Variants in ABLIM2 observed in about 807,000 individuals in gnomAD.
The protein encoded by ABLIM2 is actin binding LIM protein family member 2.
Under a neutral mutation model 97.7 loss-of-function variants are expected in ABLIM2, and 53 were observed. The ratio of observed to expected loss-of-function variants is 0.54; its 90% CI spans 0.44 to 0.68. The LOEUF is 0.68. Among genes scored for constraint, ABLIM2 ranks in the 30% least tolerant of loss-of-function variants. The probability of loss-of-function intolerance (pLI) is 0.00; values close to 1 mark genes in which losing one functional copy is unlikely to be tolerated. For synonymous variants in ABLIM2, 361 were observed against 345.8 expected, an observed-to-expected ratio of 1.04 and a Z score of -0.49; for missense variants, 835 against 867.2, an observed-to-expected ratio of 0.96 and a Z score of 0.47.
In ABLIM2 at chr4:8,001,672, T is replaced by C. The variant is rs919897389; in HGVS notation, c.1618+6387A>G. Reference sequence around the variant, plus strand: ...CTGGCCACTCCTCCCTAACAGCCTCTGTATAGAGGGACCCTCCAGCCACTA... The same window carrying C: ...CTGGCCACTCCTCCCTAACAGCCTCCGTATAGAGGGACCCTCCAGCCACTA... On this transcript the variant is annotated intron_variant, in intron 16 of 20. Transcript: ENST00000447017. The surrounding 1 kb of genome is among the most constrained non-coding windows in gnomAD (Gnocchi z 4.2). 6.6e-6 allele frequency among the ~76,000 whole-genome samples: 1 copy of C among 152,104 alleles called. No individual in the cohort carries two copies. Among genetic ancestry groups the C allele is most frequent in the African/African-American group, 2.4e-5 (1 of 41,424 alleles).
At chr4:8,028,357 T>C (rs1375233163) in intron 11 of ABLIM2, among the ~76,000 whole-genome samples, 2 of 152,204 alleles carry the variant, frequency 1.3e-5, no homozygotes, top group Non-Finnish European at 2.9e-5. Context: ...TAAAGTTGAC[T>C]GCCCTTAGCT....
chr4:8,006,223 G>A (rs182313390), intron 16 of ABLIM2, among the ~76,000 whole-genome samples: 173 of 152,348 alleles, frequency 1.1e-3, no homozygotes, highest in Admixed American at 1.5e-3. Context: ...AGTATCAGGG[G>A]CACGGGGGTC....
rs1433327242 is a variant in ABLIM2, at chr4:8,032,537, G to A, written c.1048-2761C>T. 7.1e-6 allele frequency: 10 copies of A among 1,410,160 alleles called. No individual in the cohort carries two copies. In the East Asian group the frequency reaches 1.4e-4, roughly 20 times the overall value. The allele number at this position is 1,410,160 out of a possible 1,614,324, so 87.4% of individuals were successfully genotyped here. On this transcript the variant is annotated intron_variant, in intron 10 of 20. Transcript: ENST00000447017. The surrounding 1 kb of genome is among the most constrained non-coding windows in gnomAD (Gnocchi z 4.3). ...CAAGGGCCGTGGCCCCGGGCCCCATGGTGAAGAGCCACCGAGGAGGCCCTT... is the reference window on the plus strand; with the variant it reads ...CAAGGGCCGTGGCCCCGGGCCCCATAGTGAAGAGCCACCGAGGAGGCCCTT...
At chr4:8,114,406 C>T (rs747618981) in intron 1 of ABLIM2, among the ~76,000 whole-genome samples, 4 of 152,190 alleles carry the variant, frequency 2.6e-5, no homozygotes, top group Admixed American at 1.3e-4. Flanking sequence ...ACTGTCTTTT[C>T]GGGGACTTAC....
chr4:8,101,993 G>A (rs1561421697), intron 2 of ABLIM2, among the ~76,000 whole-genome samples: 1 of 152,080 alleles, frequency 6.6e-6, no homozygotes, highest in Non-Finnish European at 1.5e-5. Context: ...CTAGGTGCCC[G>A]CACCTGCCTC....
In ABLIM2 at chr4:8,009,075, C is replaced by A. The variant is rs1301999434; in HGVS notation, c.1451G>T (p.Gly484Val). ...CTTCCTGTTATCCTGGTCCAAGCTT[C>A]CATCCTCCCCATCCGATCGCCTGGC... The part of the protein sequence containing the change: ...HAARRSDGED[G>V]SLDQDNRKQK... Residue 484 changes from glycine to valine, a missense_variant, in exon 15 of 21, where the codon GGA (glycine) becomes GTA (valine). Gly to Val is a moderately radical substitution (Grantham distance 109). Transcript: ENST00000447017. The A allele has an allele frequency of 6.2e-7, 1 of 1,614,054 alleles. No homozygotes were observed. The highest frequency in any genetic ancestry group is 1.1e-5 in the South Asian group (1 of 91,084).
At chr4:8,027,365 C>A (rs1385630331) in intron 12 of ABLIM2, among the ~76,000 whole-genome samples, 1 of 152,132 alleles carries the variant, frequency 6.6e-6, no homozygotes, top group Non-Finnish European at 1.5e-5. Flanking sequence ...GAGTCAGGGC[C>A]CTCCGTACAG....
chr4:8,122,177 T>C lies in ABLIM2; in HGVS notation c.11-15540A>G, dbSNP rs1023263574. 1.3e-5 allele frequency among the ~76,000 whole-genome samples: 2 copies of C among 152,146 alleles called. No individual in the cohort carries two copies. The highest frequency in any genetic ancestry group is 6.5e-5 in the Admixed American group (1 of 15,272). The stretch of plus-strand genomic sequence containing the variant: ...GGCCTTTGAAGATGGGGCCACAGCC[T>C]TGACCTGGAGACACCACACCAGCCT... On this transcript the variant is annotated intron_variant, in intron 1 of 20. Transcript: ENST00000447017. The surrounding 1 kb of genome is among the most constrained non-coding windows in gnomAD (Gnocchi z 4.1).
rs184025014 is a variant in ABLIM2 at position 8,106,775 on chromosome 4, G to A, written c.11-138C>T. The A allele has an allele frequency of 2.4e-4, 266 of 1,097,432 alleles. 4 individuals carry two copies. Among genetic ancestry groups the A allele is most frequent in the African/African-American group, 2.3e-3 (147 of 62,812 alleles). 68.0% of individuals were successfully genotyped at this position (1,097,432 alleles called of 1,614,324 possible). ...ACCAGCACGAGCCGCACGGGGCATC[G>A]GGGTCGGTCTGTTGTCTCCTTTTGC... is the stretch of plus-strand genomic sequence containing the variant. On this transcript the variant is annotated intron_variant, in intron 1 of 20. Coordinates refer to ENST00000447017, the MANE Select transcript of ABLIM2 (RefSeq NM_001130083.2).
intron 9 of ABLIM2, among the ~76,000 whole-genome samples, chr4:8,037,300 A>ACG (rs1785118090): frequency 2.6e-5 from 4 of 151,766 alleles, no homozygotes; most frequent in Admixed American, 2.0e-4. Context: ...ACATGCACAC[A>ACG]CACACGCACA....
chr4:7,983,681 T>G, intron 18 of ABLIM2, 127 bp from the exon 19 acceptor site: 4 of 1,167,030 alleles, frequency 3.4e-6, no homozygotes, highest in Middle Eastern at 1.9e-4. Context: ...CCATGCATGG[T>G]CCCCGAGCAG....
chr4:8,040,282 A>C (rs2151583877), intron 9 of ABLIM2, among the ~76,000 whole-genome samples: 1 of 152,182 alleles, frequency 6.6e-6, no homozygotes, highest in South Asian at 2.1e-4. Context: ...CCAGGCGCAC[A>C]GTAGGTTGAT....
chr4:8,108,938 G>A lies in ABLIM2; in HGVS notation c.11-2301C>T, dbSNP rs1838904759. Among the ~76,000 whole-genome samples the A allele has an allele frequency of 2.6e-5, 4 of 152,350 alleles. No homozygotes were observed. In the South Asian group the frequency reaches 8.3e-4, roughly 32 times the overall value. On this transcript the variant is annotated intron_variant, in intron 1 of 20. Transcript: ENST00000447017. Reference sequence around the variant, plus strand: ...CTGTGGGTGCGATGGTCTATTTCGGGGACCCCAGGCACCAGGCCAGAGCGA... The same window carrying A: ...CTGTGGGTGCGATGGTCTATTTCGGAGACCCCAGGCACCAGGCCAGAGCGA...
chr4:7,995,641 T>C (rs143526548), intron 16 of ABLIM2, among the ~76,000 whole-genome samples: 26 of 152,242 alleles, frequency 1.7e-4, no homozygotes, highest in African/African-American at 6.0e-4. Context: ...CGGTAGCCAG[T>C]GGAAAGGTTC....
At chr4:7,981,400 AT>A (rs1738330813) in intron 20 of ABLIM2, among the ~76,000 whole-genome samples, 1 of 152,094 alleles carries the variant, frequency 6.6e-6, no homozygotes, top group Non-Finnish European at 1.5e-5. Flanking sequence ...GACCGAACCA[AT>A]GTGTACCTTA....
chr4:8,129,750 CTG>C (rs1465633024), intron 1 of ABLIM2, among the ~76,000 whole-genome samples: 1 of 151,402 alleles, frequency 6.6e-6, no homozygotes. Flanking sequence ...CTCTCTCTCT[CTG>C]TGGCTCTGGG....
At chr4:8,117,475 C>G (rs1226418110) in intron 1 of ABLIM2, among the ~76,000 whole-genome samples, 4 of 151,516 alleles carry the variant, frequency 2.6e-5, no homozygotes, top group Non-Finnish European at 5.9e-5. Context: ...AGGCTCCACG[C>G]ACTAAGACTC....
In ABLIM2 at chr4:8,095,650, C is replaced by T; in HGVS notation, c.338+1449G>A. ...CCTCCTACCTTGGCCTCCCGAGGTG[C>T]TGGATTACGGGTGTGAGCCTCCGCG... On this transcript the variant is annotated intron_variant, in intron 3 of 20. Coordinates refer to ENST00000447017, the MANE Select transcript of ABLIM2 (RefSeq NM_001130083.2). This position sits in a 1 kb window ranked among gnomAD's most constrained non-coding sequence, Gnocchi z 4.7. Among the ~76,000 whole-genome samples the T allele has an allele frequency of 6.6e-6, 1 of 152,152 alleles. No homozygotes were observed. The highest frequency in any genetic ancestry group is 1.9e-4 in the East Asian group (1 of 5,198).
In ABLIM2 at chr4:8,023,214, T is replaced by A. The variant is rs1231910858; in HGVS notation, c.1268-2911A>T. 2 of 152,344 alleles carry A rather than the reference T, an allele frequency of 1.3e-5. No individual in the cohort carries two copies. Among genetic ancestry groups the A allele is most frequent in the Non-Finnish European group, 2.9e-5 (2 of 68,132 alleles). 9.4% of individuals were successfully genotyped at this position (152,344 alleles called of 1,614,324 possible). A position where few individuals can be genotyped will look rare whatever the true frequency, so the allele number is the denominator to read the frequency against. ...CTCCCATCACTAGGGTGCCCACAGA[T>A]TGGTGCCACCTGCACGCCGCACGGG... On this transcript the variant is annotated intron_variant, in intron 12 of 20. Coordinates refer to ENST00000447017, the MANE Select transcript of ABLIM2 (RefSeq NM_001130083.2). The surrounding 1 kb of genome is among the most constrained non-coding windows in gnomAD (Gnocchi z 5.7).
Sources: gnomAD v4.1 joint callset for allele counts (sites outside exome capture counted in the v4.1 genomes callset) on GRCh38, gnomAD v4.1.1 for gene constraint, Gnocchi (gnomAD v3.1) non-coding constraint, MANE v1.5 for transcripts, NCBI Gene and HGNC (gene_info 2026-07-23, HGNC 2026-07-21) for gene names.